Variants in SORCS1 observed in about 807,000 individuals in gnomAD.
SORCS1 encodes VPS10 domain-containing receptor SorCS1.
SORCS1 carries 60 observed loss-of-function variants against 146.1 expected under a neutral mutation model. The observed-to-expected ratio is 0.41, with a 90% confidence interval of 0.33 to 0.51. SORCS1 has a LOEUF of 0.51. SORCS1 is among the 20% of genes least tolerant of loss of function. SORCS1 has a pLI of 0.21. For missense variants in SORCS1, 1,352 were observed against 1,487.6 expected, an observed-to-expected ratio of 0.91 and a Z score of 1.50; for synonymous variants, 637 against 584.0, an observed-to-expected ratio of 1.09 and a Z score of -1.31.
chr10:107,113,096 T>C (rs1045215618), intron 1 of SORCS1, among the ~76,000 whole-genome samples: 5 of 152,216 alleles, frequency 3.3e-5, no homozygotes, highest in African/African-American at 9.6e-5. Flanking sequence ...TGATAGATTA[T>C]ACTTTGGGCC....
At chr10:107,017,299 T>C (rs752687345) in intron 1 of SORCS1, among the ~76,000 whole-genome samples, 2 of 152,144 alleles carry the variant, frequency 1.3e-5, no homozygotes, top group Admixed American at 6.5e-5. Flanking sequence ...ATTTATACAA[T>C]AGAAATTATA....
chr10:106,716,185 GC>G (rs932745252), intron 6 of SORCS1, among the ~76,000 whole-genome samples: 5 of 152,172 alleles, frequency 3.3e-5, no homozygotes, highest in Admixed American at 3.3e-4. Flanking sequence ...GCAGCAGACA[GC>G]ACTGCCAAAT....
At chr10:106,831,739 T>C (rs542939634) in intron 2 of SORCS1, among the ~76,000 whole-genome samples, 1 of 152,152 alleles carries the variant, frequency 6.6e-6, no homozygotes, top group South Asian at 2.1e-4. Context: ...CTAAAATTTA[T>C]ACATAGATGG....
At chr10:107,083,110 CAAAAAAA>C (rs538577059) in intron 1 of SORCS1, among the ~76,000 whole-genome samples, 1 of 60,486 alleles carries the variant, frequency 1.7e-5, no homozygotes, top group African/African-American at 6.0e-5. Flanking sequence ...CTCCAACTCA[CAAAAAAA>C]AAAAAAAAAA....
chr10:106,904,475 A>G (rs1208567850), intron 2 of SORCS1, among the ~76,000 whole-genome samples: 2 of 152,150 alleles, frequency 1.3e-5, no homozygotes, highest in Non-Finnish European at 2.9e-5. Context: ...CTGATGGGGA[A>G]AAAAATCACA....
rs1274471324 is a variant in SORCS1 at position 106,580,060 on chromosome 10, C to T, written c.3266-586G>A. Among the ~76,000 whole-genome samples, 8 of 152,002 alleles carry T rather than the reference C, an allele frequency of 5.3e-5. No homozygotes were observed. In the East Asian group the frequency reaches 1.2e-3, roughly 22 times the overall value. ...AATACATTTGTGAATTCAACCACCC[C>T]GTCACCCCTACTCCAGTAGTTGTCA... On this transcript the variant is annotated intron_variant, in intron 24 of 25. Transcript: ENST00000263054.
At chr10:106,926,890 G>GAGAGAGAC (rs1554886110) in intron 2 of SORCS1, among the ~76,000 whole-genome samples, 1 of 151,024 alleles carries the variant, frequency 6.6e-6, no homozygotes, top group African/African-American at 2.5e-5. Flanking sequence ...GAGAGAGAGA[G>GAGAGAGAC]AGAGAGAGAA....
At chr10:106,701,881 C>G (rs528537477) in intron 8 of SORCS1, among the ~76,000 whole-genome samples, 12 of 152,292 alleles carry the variant, frequency 7.9e-5, no homozygotes, top group Admixed American at 7.8e-4. Flanking sequence ...GTTAAGCACT[C>G]CTAATAGTGC....
At chr10:106,594,818 G>A (rs1049622752) in intron 24 of SORCS1, among the ~76,000 whole-genome samples, 3 of 152,170 alleles carry the variant, frequency 2.0e-5, no homozygotes, top group African/African-American at 4.8e-5. Context: ...TGGAATATCC[G>A]GCTTAGTTGT....
At chr10:107,034,297 G>A (rs937478782) in intron 1 of SORCS1, among the ~76,000 whole-genome samples, 1 of 152,224 alleles carries the variant, frequency 6.6e-6, no homozygotes, top group East Asian at 1.9e-4. Flanking sequence ...CCCAGAGTCA[G>A]GAGCACAGAC....
intron 15 of SORCS1, among the ~76,000 whole-genome samples, chr10:106,672,619 T>G (rs1851692554): frequency 6.6e-6 from 1 of 152,184 alleles, no homozygotes; most frequent in Non-Finnish European, 1.5e-5. Context: ...TCATTTTGAT[T>G]TGTAAGCCTA....
intron 5 of SORCS1, among the ~76,000 whole-genome samples, chr10:106,744,137 C>T (rs943241750): frequency 6.6e-6 from 1 of 152,090 alleles, no homozygotes; most frequent in South Asian, 2.1e-4. Flanking sequence ...TAGAGTCTCG[C>T]TCTGTCACCC....
At chr10:106,861,121 G>C (rs1949996906) in intron 2 of SORCS1, among the ~76,000 whole-genome samples, 1 of 152,158 alleles carries the variant, frequency 6.6e-6, no homozygotes, top group Non-Finnish European at 1.5e-5. Flanking sequence ...AAATAGGCCA[G>C]GTGCAGTGGC....
chr10:106,930,842 A>G (rs2138586291), intron 2 of SORCS1, among the ~76,000 whole-genome samples: 1 of 152,302 alleles, frequency 6.6e-6, no homozygotes, highest in East Asian at 1.9e-4. Flanking sequence ...TTCTGAAACC[A>G]CATCTGCTCA....
intron 23 of SORCS1, among the ~76,000 whole-genome samples, chr10:106,597,708 T>C (rs780472700): frequency 1.3e-5 from 2 of 152,164 alleles, no homozygotes; most frequent in Non-Finnish European, 2.9e-5. Flanking sequence ...TCTTTAAAAA[T>C]TATTCTGTAT....
At chr10:106,728,055 C>T (rs147904355) in intron 6 of SORCS1, among the ~76,000 whole-genome samples, 2,305 of 150,362 alleles carry the variant, frequency 0.015, 60 homozygotes, top group African/African-American at 0.054. Context: ...TTTTTTGAGA[C>T]GGAGTCTGGC....
At chr10:107,044,478 G>T (rs1459171292) in intron 1 of SORCS1, among the ~76,000 whole-genome samples, 1 of 133,566 alleles carries the variant, frequency 7.5e-6, no homozygotes, top group Non-Finnish European at 1.6e-5. Context: ...TAAGAAATAG[G>T]TCCTGCATTT....
chr10:107,071,927 T>G (rs1962459791), intron 1 of SORCS1, among the ~76,000 whole-genome samples: 1 of 152,154 alleles, frequency 6.6e-6, no homozygotes. Context: ...GTTGGCAATA[T>G]GAAAACTCAG....
chr10:106,756,032 G>T (rs1858611605), intron 5 of SORCS1, among the ~76,000 whole-genome samples: 1 of 152,122 alleles, frequency 6.6e-6, no homozygotes, highest in Admixed American at 6.5e-5. Context: ...AGGAGGCTGA[G>T]GCAGGAGAAT....
Sources: allele counts gnomAD v4.1 joint callset (sites outside exome capture counted in the v4.1 genomes callset), GRCh38; gene constraint gnomAD v4.1.1; transcripts MANE v1.5; gene names NCBI Gene and HGNC (gene_info 2026-07-23, HGNC 2026-07-21).